Variants in CNTLN observed in about 807,000 individuals in gnomAD.
The protein encoded by CNTLN is centlein, centrosomal protein.
Under a neutral mutation model 180.0 loss-of-function variants are expected in CNTLN, and 212 were observed. The observed-to-expected ratio is 1.18, with a 90% CI of 1.05 to 1.32. The LOEUF (loss-of-function observed/expected upper bound fraction) is 1.32. Ranked by LOEUF, CNTLN falls within the 40% of genes most tolerant of loss-of-function variation. CNTLN has a pLI of 0.00. For missense variants in CNTLN, 2,095 were observed against 1,610.9 expected, an observed-to-expected ratio of 1.30 and a Z score of -5.14; for synonymous variants, 722 against 563.1, an observed-to-expected ratio of 1.28 and a Z score of -3.99.
rs1191213545 is a variant in CNTLN, at chr9:17,289,199, G to T, written c.984-8991G>T. 1.7e-5 allele frequency among the ~76,000 whole-genome samples: 2 copies of T among 115,084 alleles called. 1 individual carries two copies. Among genetic ancestry groups the T allele is most frequent in the Non-Finnish European group, 3.4e-5 (2 of 58,542 alleles). The allele number at this position is 115,084 out of a possible 152,430, so 75.5% of individuals were successfully genotyped here. A position where few individuals can be genotyped will look rare whatever the true frequency, so the allele number is the denominator to read the frequency against. ...TCCTTCAGGAGCTCTTTTAGGGCAG[G>T]CCTAGTGGTGACAAAATCTCTCAGC... On this transcript the variant is annotated intron_variant, in intron 6 of 25. Transcript: ENST00000380647.
chr9:17,528,569 A>G, the CNTLN span, among the ~76,000 whole-genome samples: 3 of 152,268 alleles, frequency 2.0e-5, no homozygotes, highest in African/African-American at 7.2e-5. Flanking sequence ...ATTCTGCAAC[A>G]GAAGAAGGAT....
At chr9:17,300,093 A>C (rs552406481) in intron 7 of CNTLN, 1 of 152,142 alleles carries the variant, frequency 6.6e-6, no homozygotes, top group Admixed American at 6.5e-5. Flanking sequence ...CCCTTATCTG[A>C]AGTGCTTGGA....
intron 2 of CNTLN, among the ~76,000 whole-genome samples, chr9:17,218,520 G>C (rs989350540): frequency 6.6e-6 from 1 of 152,032 alleles, no homozygotes; most frequent in Admixed American, 6.6e-5. Context: ...TGGATAATTT[G>C]ATGATGGCAT....
intron 18 of CNTLN, among the ~76,000 whole-genome samples, chr9:17,452,944 G>C (rs1830870347): frequency 6.6e-6 from 1 of 151,928 alleles, no homozygotes; most frequent in African/African-American, 2.4e-5. Context: ...ATGCAGATCT[G>C]GTAGAGGCAA....
chr9:17,437,526 TGTTTCAGGAA>T (rs1297285223), intron 18 of CNTLN, among the ~76,000 whole-genome samples: 2 of 152,198 alleles, frequency 1.3e-5, no homozygotes, highest in African/African-American at 4.8e-5. Context: ...TCAATATCAA[TGTTTCAGGAA>T]GTGAAAAATT....
At chr9:17,377,911 C>T (rs1273589768) in intron 13 of CNTLN, among the ~76,000 whole-genome samples, 2 of 152,124 alleles carry the variant, frequency 1.3e-5, no homozygotes, top group Non-Finnish European at 2.9e-5. Flanking sequence ...ATAATTTGTT[C>T]TAGATCACAT....
chr9:17,441,094 C>G (rs1343041789), intron 18 of CNTLN, among the ~76,000 whole-genome samples: 1 of 152,034 alleles, frequency 6.6e-6, no homozygotes, highest in South Asian at 2.1e-4. Context: ...AACGTGCCAA[C>G]CAAGAATATT....
chr9:17,312,648 C>A (rs1396621758), intron 8 of CNTLN, among the ~76,000 whole-genome samples: 1 of 150,836 alleles, frequency 6.6e-6, no homozygotes, highest in Non-Finnish European at 1.5e-5. Flanking sequence ...CGTTATCCAC[C>A]CACCTCCGCC....
chr9:17,268,925 G>A (rs914990182), intron 5 of CNTLN, among the ~76,000 whole-genome samples: 1 of 151,926 alleles, frequency 6.6e-6, no homozygotes, highest in African/African-American at 2.4e-5. Flanking sequence ...CGATTTTCCA[G>A]GTGCTGTCTG....
chr9:17,199,462 T>TA (rs1181237212), intron 2 of CNTLN, among the ~76,000 whole-genome samples: 1 of 152,190 alleles, frequency 6.6e-6, no homozygotes, highest in East Asian at 1.9e-4. Context: ...CCACCCTCCT[T>TA]GGCCTCCCAA....
chr9:17,295,401 G>A (rs1305391261), intron 6 of CNTLN, among the ~76,000 whole-genome samples: 3 of 152,180 alleles, frequency 2.0e-5, no homozygotes, highest in Non-Finnish European at 4.4e-5. Context: ...TCAGTAGGTC[G>A]ATCACTCACC....
chr9:17,367,899 A>G (rs1823966043), intron 13 of CNTLN, among the ~76,000 whole-genome samples: 1 of 151,694 alleles, frequency 6.6e-6, no homozygotes, highest in Non-Finnish European at 1.5e-5. Flanking sequence ...TGCTGGATTC[A>G]GGTGAAACCC....
intron 2 of CNTLN, among the ~76,000 whole-genome samples, chr9:17,151,302 T>C (rs1818859138): frequency 1.3e-5 from 2 of 152,232 alleles, no homozygotes; most frequent in South Asian, 4.1e-4. Flanking sequence ...ATAGCTCTTA[T>C]TATTTTGAAA....
chr9:17,443,579 A>G (rs886812684), intron 18 of CNTLN, among the ~76,000 whole-genome samples: 1 of 152,220 alleles, frequency 6.6e-6, no homozygotes, highest in African/African-American at 2.4e-5. Context: ...GATAGTGATT[A>G]TTTCTGGTGG....
intron 2 of CNTLN, among the ~76,000 whole-genome samples, chr9:17,145,309 T>G (rs1377239588): frequency 1.3e-5 from 2 of 152,230 alleles, no homozygotes; most frequent in African/African-American, 4.8e-5. Context: ...TTTTTGAAAT[T>G]GGAAACGATA....
Position 17,276,175 on chromosome 9 carries a change from A to G in CNTLN, c.983+2309A>G, listed in dbSNP as rs1029586123. Among the ~76,000 whole-genome samples, 38 of 152,140 alleles carry G rather than the reference A, an allele frequency of 2.5e-4. 3 individuals are homozygous for G. Among genetic ancestry groups the G allele is most frequent in the Non-Finnish European group, 2.9e-5 (2 of 68,006 alleles). ...AAATAAGGACTCACAGAGGAGAAGA[A>G]TAATAGCACAGAGTTGGTAGTTTGG... On this transcript the variant is annotated intron_variant, in intron 6 of 25. Coordinates refer to ENST00000380647, the MANE Select transcript of CNTLN (RefSeq NM_017738.4).
chr9:17,296,667 C>T (rs1817962402), intron 6 of CNTLN, among the ~76,000 whole-genome samples: 1 of 151,982 alleles, frequency 6.6e-6, no homozygotes. Context: ...CTTTTTTCCC[C>T]TCCTCTTGTA....
intron 2 of CNTLN, among the ~76,000 whole-genome samples, chr9:17,214,347 G>A (rs1587183362): frequency 1.3e-5 from 2 of 152,140 alleles, no homozygotes; most frequent in Admixed American, 6.5e-5. Context: ...ATTCTGGGTT[G>A]AAAATTATTT....
chr9:17,301,855 T>C lies in CNTLN; in HGVS notation c.1146+3503T>C, dbSNP rs1818378681. ...AAATACTGTGAACATTTTGAATATT[T>C]CACTTTTAAAAATGCATCTTAACAT... On this transcript the variant is annotated intron_variant, in intron 7 of 25. Transcript: ENST00000380647. The C allele has an allele frequency of 8.2e-6, 8 of 972,946 alleles. No individual in the cohort carries two copies. In the South Asian group the frequency reaches 1.4e-4, roughly 17 times the overall value. The allele number at this position is 972,946 out of a possible 1,614,324, so 60.3% of individuals were successfully genotyped here.
Sources: allele counts gnomAD v4.1 joint callset (sites outside exome capture counted in the v4.1 genomes callset), GRCh38; gene constraint gnomAD v4.1.1; transcripts MANE v1.5; gene names NCBI Gene and HGNC (gene_info 2026-07-23, HGNC 2026-07-21).